The following TRIM66 variants were observed in gnomAD, a reference collection of about 807,000 sequenced individuals.
The protein encoded by TRIM66 is tripartite motif-containing protein 66.
Under a neutral mutation model 148.2 loss-of-function variants are expected in TRIM66, and 99 were observed. The ratio of observed to expected loss-of-function variants is 0.67; its 90% CI spans 0.57 to 0.79. The LOEUF is 0.79. TRIM66 is among the 30% of genes least tolerant of loss of function. The pLI, the probability that TRIM66 is intolerant of heterozygous loss-of-function variation, is 0.00. For synonymous variants in TRIM66, 616 were observed against 635.9 expected (o/e 0.97, Z 0.47); for missense variants, 1,666 against 1,697.9 (o/e 0.98, Z 0.33).
intron 18 of TRIM66, among the ~76,000 whole-genome samples, chr11:8,622,472 G>A (rs2034389998): frequency 6.7e-6 from 1 of 149,824 alleles, no homozygotes; most frequent in East Asian, 2.0e-4. Context: ...TTTGGACTCT[G>A]AATGTGGACT....
chr11:8,619,222 T>C, intron 23 of TRIM66, 161 bp downstream of exon 23: 1 of 869,492 alleles, frequency 1.2e-6, no homozygotes, highest in Non-Finnish European at 1.7e-6. Flanking sequence ...AAGGCCTGAG[T>C]GTGGGAGAGA....
intron 1 of TRIM66, among the ~76,000 whole-genome samples, chr11:8,681,641 G>A (rs1215556149): frequency 2.2e-5 from 3 of 135,156 alleles, no homozygotes; most frequent in African/African-American, 4.9e-5. Flanking sequence ...ACTTAAGAGC[G>A]AAGACATGCT....
In TRIM66 at chr11:8,640,716, G is replaced by A. The variant is rs1161768104; in HGVS notation, c.1659C>T (p.Ser553=). 1 of 1,551,562 alleles carries A rather than the reference G, an allele frequency of 6.4e-7. No homozygotes were observed. Residue 553 remains serine, a synonymous_variant, in exon 14 of 25, where the codon TCC becomes TCT. Coordinates refer to ENST00000646038, the MANE Select transcript of TRIM66 (RefSeq NM_001388022.1). ...TSQRLGQQLT[S]QPVCIVPPQD... ...GTGGGGGGACAATGCACACGGGCTG[G>A]GAAGTCAGCTGCTGCCCCAGCCGCT...
chr11:8,622,344 AC>A (rs1316691093), intron 18 of TRIM66, among the ~76,000 whole-genome samples: 987 of 37,928 alleles, frequency 0.026, 68 homozygotes, highest in Middle Eastern at 0.14. Context: ...CACACAACAC[AC>A]ACACACACAC....
chr11:8,643,137 C>T lies in TRIM66; in HGVS notation c.1105-11G>A, dbSNP rs1443918599. 1 of 1,547,724 alleles carries T rather than the reference C, an allele frequency of 6.5e-7. No individual in the cohort carries two copies. The highest frequency in any genetic ancestry group is 8.7e-7 in the Non-Finnish European group (1 of 1,144,762). On this transcript the variant is annotated splice_polypyrimidine_tract_variant and intron_variant, in intron 12 of 24. Transcript: ENST00000646038. ...CATCTGAAACACAATCTGACAACAG[C>T]ACCAAAGGTCATTTATTTGGGCATC... is the stretch of plus-strand genomic sequence containing the variant.
intron 15 of TRIM66, among the ~76,000 whole-genome samples, chr11:8,631,491 T>C (rs2035394715): frequency 6.6e-6 from 1 of 152,216 alleles, no homozygotes; most frequent in Non-Finnish European, 1.5e-5. Context: ...AAGCAGAGCA[T>C]AAGGAGGCTA....
rs997898253 is a variant in TRIM66 at position 8,642,995 on chromosome 11, G to C, written c.1222+14C>G. 6.5e-7 allele frequency: 1 copy of C among 1,539,640 alleles called. No individual in the cohort carries two copies. ...ACAGGGTGGGTAGGCCTGGGTGGGT[G>C]GGTCCAAGCTCACCAAGAGAAGCTA... On this transcript the variant is annotated intron_variant, in intron 13 of 24. Transcript: ENST00000646038.
At chr11:8,625,275 T>C (rs1194975690) in intron 15 of TRIM66, 47 bp from the exon 16 acceptor site, 6 of 1,455,102 alleles carry the variant, frequency 4.1e-6, no homozygotes, top group Non-Finnish European at 5.4e-6. Context: ...TAGCTGGGAA[T>C]GGAGGGAGGG....
chr11:8,643,692 CCCT>C (rs1334715148), intron 12 of TRIM66, among the ~76,000 whole-genome samples: 59 of 152,252 alleles, frequency 3.9e-4, no homozygotes, highest in Non-Finnish European at 6.8e-4. Flanking sequence ...TTGTCATTCT[CCCT>C]CACTACATCG....
intron 15 of TRIM66, among the ~76,000 whole-genome samples, chr11:8,636,375 C>T (rs1323859207): frequency 2.0e-5 from 3 of 152,152 alleles, no homozygotes; most frequent in African/African-American, 2.4e-5. Flanking sequence ...ACCCATCAGG[C>T]GGTTACAGCA....
At chr11:8,670,858 G>C (rs1479054784) in intron 6 of TRIM66, among the ~76,000 whole-genome samples, 1 of 152,198 alleles carries the variant, frequency 6.6e-6, no homozygotes, top group Non-Finnish European at 1.5e-5. Context: ...CATGGGTTCA[G>C]AGGGCTTAAA....
At chr11:8,674,243 A>C (rs2039075983) in intron 4 of TRIM66, among the ~76,000 whole-genome samples, 1 of 152,252 alleles carries the variant, frequency 6.6e-6, no homozygotes, top group African/African-American at 2.4e-5. Context: ...AAGCTGAGAA[A>C]ATCTATTGCT....
Position 8,649,808 on chromosome 11 carries a change from G to A in TRIM66, c.524C>T (p.Thr175Ile). 6.4e-7 allele frequency: 1 copy of A among 1,551,732 alleles called. No homozygotes were observed. The highest frequency in any genetic ancestry group is 8.7e-7 in the Non-Finnish European group (1 of 1,147,012). Residue 175 changes from threonine (T) to isoleucine (I), a missense_variant, in exon 8 of 25, where the codon ACA becomes ATA. Around this residue, in one of 3 missense-constraint regions of TRIM66, gnomAD observed 1,431 missense variants for 1,412.4 expected, o/e 1.01. Transcript: ENST00000646038. ...GACAGGGCTGTGTCGGTGTTCCTCT[G>A]TGCAAGAGCTGCACAGCCAGCGATT... ...YCNRWLCSSC[T>I]EEHRHSPVPG... is the part of the protein sequence containing the mutation.
At chr11:8,630,502 C>T (rs1423973061) in intron 15 of TRIM66, among the ~76,000 whole-genome samples, 1 of 152,150 alleles carries the variant, frequency 6.6e-6, no homozygotes, top group Admixed American at 6.5e-5. Context: ...TTGAGATTCA[C>T]TACTGAAAAT....
intron 8 of TRIM66, among the ~76,000 whole-genome samples, chr11:8,649,313 T>C (rs1032034779): frequency 9.2e-5 from 14 of 151,910 alleles, no homozygotes; most frequent in African/African-American, 3.4e-4. Flanking sequence ...CACCCCAGCC[T>C]GGGTGACAGA....
chr11:8,669,462 G>A (rs947217090), intron 6 of TRIM66, among the ~76,000 whole-genome samples: 1 of 152,124 alleles, frequency 6.6e-6, no homozygotes, highest in Non-Finnish European at 1.5e-5. Flanking sequence ...TGGCCAACAT[G>A]GCGAAACCCT....
At chr11:8,682,796 T>C (rs769430463), upstream of TRIM66, 1 of 1,613,490 alleles carries the variant, frequency 6.2e-7, no homozygotes, top group East Asian at 2.2e-5. Context: ...GCCTTCCTTT[T>C]TCGTCTGGGC....
intron 6 of TRIM66, among the ~76,000 whole-genome samples, chr11:8,664,864 G>C (rs566265090): frequency 2.0e-5 from 3 of 152,078 alleles, no homozygotes; most frequent in Non-Finnish European, 4.4e-5. Context: ...CAGCCCTGGG[G>C]AGGCTCTGTT....
chr11:8,661,424 T>C (rs1253027526), intron 6 of TRIM66, among the ~76,000 whole-genome samples: 1 of 152,266 alleles, frequency 6.6e-6, no homozygotes, highest in Non-Finnish European at 1.5e-5. Context: ...AGACCCTCAC[T>C]GACCGAGGTA....
Sources: gnomAD v4.1 joint callset for allele counts (sites outside exome capture counted in the v4.1 genomes callset) on GRCh38, gnomAD v4.1.1 for gene constraint, gnomAD v4.1.1 regional missense constraint, MANE v1.5 for transcripts, NCBI Gene and HGNC (gene_info 2026-07-23, HGNC 2026-07-21) for gene names.